The following COL17A1 variants were observed in gnomAD, a reference collection of about 807,000 sequenced individuals.
The protein encoded by COL17A1 is collagen type XVII alpha 1 chain, also known as collagen alpha-1(XVII) chain.
COL17A1 carries 181 observed loss-of-function variants against 218.4 expected under a neutral mutation model. The ratio of observed to expected loss-of-function variants is 0.83; its 90% CI spans 0.73 to 0.94. COL17A1 has a LOEUF of 0.94. Among genes scored for constraint, COL17A1 ranks in the 40% least tolerant of loss-of-function variants. The pLI, the probability that COL17A1 is intolerant of heterozygous loss-of-function variation, is 0.00. For missense variants in COL17A1, 1,924 were observed against 1,945.9 expected (o/e 0.99, Z 0.21); for synonymous variants, 721 against 731.0 (o/e 0.99, Z 0.22).
chr10:104,038,026 C>T (rs1589557964), intron 45 of COL17A1, among the ~76,000 whole-genome samples: 1 of 152,234 alleles, frequency 6.6e-6, no homozygotes, highest in Non-Finnish European at 1.5e-5. Context: ...GCCAGCCACC[C>T]ATTTGACAAA....
rs1285670016 is a variant in COL17A1, at chr10:104,041,074, AC to A, written c.2691del (p.Ser898ProfsTer168). ...GACTCCCTGACATTACCTGAGTTGG[AC>A]AGGAACGATCCTGGTGGGCCTGGTG... ...PGPPGPPGSF[L>X]SNSETFLSGP... On this transcript the variant is annotated frameshift_variant, in exon 39 of 56. Transcript: ENST00000648076. LOFTEE classifies it high-confidence loss of function. 1.9e-6 allele frequency: 3 copies of A among 1,614,156 alleles called. No individual in the cohort carries two copies. The highest frequency in any genetic ancestry group is 1.7e-6 in the Non-Finnish European group (2 of 1,180,000).
In COL17A1 at chr10:104,055,979, G is replaced by A. The variant is rs891851793; in HGVS notation, c.1490C>T (p.Ala497Val). The change falls in exon 18 of 56, where the codon GCG (alanine) becomes GTG (valine). Residue 497 changes from alanine (A) to valine (V), a missense_variant. Physicochemically the swap from Ala to Val is moderately conservative, Grantham distance 64. Coordinates refer to ENST00000648076, the MANE Select transcript of COL17A1 (RefSeq NM_000494.4). ...ALAEEVRKLK[A>V]RVDELERIRR... ...GATCCTCTCCAGCTCATCCACACGC[G>A]CCTTCAGCTTCCTCACCTCCTCCGC... The A allele has an allele frequency of 8.7e-6, 14 of 1,613,958 alleles. No individual in the cohort carries two copies. The highest frequency in any genetic ancestry group is 4.5e-5 in the East Asian group (2 of 44,874).
In COL17A1 at chr10:104,052,153, A is replaced by G; in HGVS notation, c.2002+2T>C. 1 of 1,613,988 alleles carries G rather than the reference A, an allele frequency of 6.2e-7. No homozygotes were observed. The highest frequency in any genetic ancestry group is 8.5e-7 in the Non-Finnish European group (1 of 1,179,974). ...TGATTCCTTCCTGCACACTGGACTT[A>G]CCTTTGGGACCCACAGAACCTGGGA... On this transcript the variant is annotated splice_donor_variant, in intron 24 of 55. Coordinates refer to ENST00000648076, the MANE Select transcript of COL17A1 (RefSeq NM_000494.4). LOFTEE classifies it high-confidence loss of function.
chr10:104,062,260 G>C lies in COL17A1; in HGVS notation c.908C>G (p.Thr303Arg). The stretch of plus-strand genomic sequence containing the variant: ...AGCTCCAACCCTAGCCTACTGACCT[G>C]TGGAAGTGGTGGTGGTGCCATGGGA... ...TLSHGTTTTS[T>R]AYGVKKNMPQ... The change falls in exon 12 of 56, where the codon ACA (threonine) becomes AGA (arginine). Residue 303 changes from threonine (T) to arginine (R), a missense_variant and splice_region_variant. Physicochemically the swap from Thr to Arg is moderately conservative, Grantham distance 71. Coordinates refer to ENST00000648076, the MANE Select transcript of COL17A1 (RefSeq NM_000494.4). 6.2e-7 allele frequency: 1 copy of C among 1,614,250 alleles called. No homozygotes were observed. The highest frequency in any genetic ancestry group is 8.5e-7 in the Non-Finnish European group (1 of 1,180,038).
chr10:104,082,887 A>C (rs907356627), intron 1 of COL17A1, among the ~76,000 whole-genome samples: 2 of 152,202 alleles, frequency 1.3e-5, no homozygotes, highest in African/African-American at 4.8e-5. Context: ...GAGGGCACGA[A>C]GTGATGACCT....
At chr10:104,056,466 C>G (rs2086527828) in intron 17 of COL17A1, among the ~76,000 whole-genome samples, 1 of 152,046 alleles carries the variant, frequency 6.6e-6, no homozygotes, top group Admixed American at 6.5e-5. Flanking sequence ...CCTGTAGTCC[C>G]AGCTACTCAG....
chr10:104,048,244 C>A, intron 29 of COL17A1, 140 bp from the exon 30 acceptor site: 2 of 852,244 alleles, frequency 2.3e-6, no homozygotes, highest in Non-Finnish European at 4.1e-6. Flanking sequence ...CCCTGTCTGT[C>A]ACACTCTCTG....
At chr10:104,062,225 C>G in intron 12 of COL17A1, 33 bp downstream of exon 12, 1 of 1,614,146 alleles carries the variant, frequency 6.2e-7, no homozygotes, top group Non-Finnish European at 8.5e-7. Flanking sequence ...GTGTCACTTT[C>G]CAGCGCCTAA....
chr10:104,056,312 G>A (rs2086525098), intron 17 of COL17A1, among the ~76,000 whole-genome samples: 1 of 152,168 alleles, frequency 6.6e-6, no homozygotes, highest in African/African-American at 2.4e-5. Context: ...GCCAGGCGCG[G>A]TGGCTCAAGC....
chr10:104,078,488 G>T, intron 3 of COL17A1, 54 bp downstream of exon 3: 1 of 1,612,576 alleles, frequency 6.2e-7, no homozygotes, highest in Non-Finnish European at 8.5e-7. Context: ...TTACAGGTGT[G>T]GGGCCCTTCA....
At position 104,080,716 on chromosome 10, in the gene COL17A1, T is replaced by A. The variant is rs1479615471; in HGVS notation, c.-11-32A>T. On this transcript the variant is annotated intron_variant, in intron 1 of 55. Coordinates refer to ENST00000648076, the MANE Select transcript of COL17A1 (RefSeq NM_000494.4). Reference sequence around the variant, plus strand: ...GAAAAATCAGAAACCATGATAGTCATACTTATCATTGTTTTTAGTAATTAT... The same window carrying A: ...GAAAAATCAGAAACCATGATAGTCAAACTTATCATTGTTTTTAGTAATTAT... The A allele has an allele frequency of 5.6e-6, 9 of 1,609,396 alleles. No individual in the cohort carries two copies. The African/African-American group carries it at 8.0e-5, about 14-fold the overall frequency.
chr10:104,060,803 G>A (rs979581076), intron 13 of COL17A1, among the ~76,000 whole-genome samples: 5 of 152,014 alleles, frequency 3.3e-5, no homozygotes, highest in East Asian at 1.9e-4. Context: ...TGTGTTTGTC[G>A]TCTGCCTCCA....
Position 104,035,387 on chromosome 10 carries a change from G to A in COL17A1, c.3509-14C>T. 6.2e-7 allele frequency: 1 copy of A among 1,613,720 alleles called. No homozygotes were observed. The highest frequency in any genetic ancestry group is 8.5e-7 in the Non-Finnish European group (1 of 1,179,750). On this transcript the variant is annotated splice_polypyrimidine_tract_variant and intron_variant, in intron 49 of 55. Transcript: ENST00000648076. ...TGAATTCAGACCCTGAGACACCAAG[G>A]GAGGGCACGGAGTCAGTCCTGGCCT...
intron 11 of COL17A1, among the ~76,000 whole-genome samples, chr10:104,063,124 A>G (rs1311656864): frequency 6.6e-6 from 1 of 152,248 alleles, no homozygotes; most frequent in Admixed American, 6.5e-5. Flanking sequence ...AAGTAAATAA[A>G]CAAGGCCCAC....
chr10:104,062,391 A>G (rs913217578), intron 11 of COL17A1, 62 bp from the exon 12 acceptor site: 5 of 1,611,742 alleles, frequency 3.1e-6, no homozygotes, highest in Non-Finnish European at 4.2e-6. Flanking sequence ...CTGGCTTAGG[A>G]CGGCCCCCAG....
At chr10:104,055,097 G>A in intron 19 of COL17A1, 90 bp from the exon 20 acceptor site, 1 of 1,594,398 alleles carries the variant, frequency 6.3e-7, no homozygotes, top group Non-Finnish European at 8.6e-7. Context: ...TTGACAAGAT[G>A]TAAACTGTAT....
intron 7 of COL17A1, among the ~76,000 whole-genome samples, chr10:104,072,743 T>C (rs756011942): frequency 2.5e-4 from 38 of 152,182 alleles, no homozygotes; most frequent in Non-Finnish European, 4.7e-4. Context: ...ACCACATTTC[T>C]CTCCTATATC....
At chr10:104,046,635 A>C (rs2086412829) in intron 32 of COL17A1, 112 bp downstream of exon 32, 1 of 1,001,202 alleles carries the variant, frequency 1.0e-6, no homozygotes, top group Non-Finnish European at 1.6e-6. Flanking sequence ...AGTGTGTGCC[A>C]GGGAGTTGGT....
At position 104,036,481 on chromosome 10, in the gene COL17A1, C is replaced by A. The variant is rs767514683; in HGVS notation, c.3418+11G>T. The A allele has an allele frequency of 6.3e-5, 101 of 1,613,806 alleles. 3 individuals are homozygous for A. In the South Asian group the frequency reaches 8.7e-4, roughly 14 times the overall value. The stretch of plus-strand genomic sequence containing the variant: ...AGGCCCTTCCCAACCACCCCTCCTG[C>A]AGACACTTACTCGACATGTAGCTGA... On this transcript the variant is annotated intron_variant, in intron 48 of 55. Coordinates refer to ENST00000648076, the MANE Select transcript of COL17A1 (RefSeq NM_000494.4).
Sources: gnomAD v4.1 joint callset for allele counts (sites outside exome capture counted in the v4.1 genomes callset) on GRCh38, gnomAD v4.1.1 for gene constraint, MANE v1.5 for transcripts, NCBI Gene and HGNC (gene_info 2026-07-23, HGNC 2026-07-21) for gene names.